The following CDH13 variants were observed in gnomAD, a reference collection of about 807,000 sequenced individuals.
CDH13 encodes cadherin 13.
In CDH13, 24 loss-of-function variants were observed where a neutral mutation model predicts 63.8. The observed-to-expected ratio is 0.38, with a 90% confidence interval of 0.27 to 0.53. CDH13 has a LOEUF of 0.53. CDH13 is among the 20% of genes least tolerant of loss of function. The probability of loss-of-function intolerance (pLI) is 0.85; values close to 1 mark genes in which losing one functional copy is unlikely to be tolerated. For synonymous variants in CDH13, 503 were observed against 355.3 expected, an observed-to-expected ratio of 1.42 and a Z score of -4.67; for missense variants, 1,049 against 903.1, an observed-to-expected ratio of 1.16 and a Z score of -2.07.
intron 1 of CDH13, among the ~76,000 whole-genome samples, chr16:82,834,605 C>A (rs971392102): frequency 6.6e-6 from 1 of 152,100 alleles, no homozygotes; most frequent in Non-Finnish European, 1.5e-5. Context: ...TACTTTGCCT[C>A]TTAGCAGCTG....
chr16:83,294,608 G>A (rs1412552716), intron 5 of CDH13, among the ~76,000 whole-genome samples: 1 of 106,900 alleles, frequency 9.4e-6, no homozygotes, highest in Non-Finnish European at 2.0e-5. Context: ...GTGTATGTGT[G>A]TGTGTGTGTG....
intron 2 of CDH13, among the ~76,000 whole-genome samples, chr16:82,874,688 G>T (rs948222181): frequency 1.3e-5 from 2 of 152,202 alleles, no homozygotes; most frequent in Non-Finnish European, 2.9e-5. Context: ...AAAGAAATAA[G>T]CAGTGCTTGA....
At chr16:83,523,030 G>A (rs909685663) in intron 7 of CDH13, among the ~76,000 whole-genome samples, 2 of 152,026 alleles carry the variant, frequency 1.3e-5, no homozygotes, top group African/African-American at 4.8e-5. Flanking sequence ...CTTCAGTTCT[G>A]CTGAAATGTC....
chr16:83,662,394 A>G (rs1333938866), intron 8 of CDH13, among the ~76,000 whole-genome samples: 1 of 152,216 alleles, frequency 6.6e-6, no homozygotes. Context: ...GAAACACAAA[A>G]TTGTCCGTAG....
intron 1 of CDH13, among the ~76,000 whole-genome samples, chr16:82,698,384 T>C (rs2150986964): frequency 6.6e-6 from 1 of 152,346 alleles, no homozygotes; most frequent in Middle Eastern, 3.4e-3. Flanking sequence ...AGGAAGAGAA[T>C]GTATCAGGTA....
intron 2 of CDH13, among the ~76,000 whole-genome samples, chr16:82,889,873 T>C (rs1210398521): frequency 1.3e-5 from 2 of 152,262 alleles, no homozygotes; most frequent in Non-Finnish European, 2.9e-5. Context: ...GGGAAGACTA[T>C]TAAAAGAGAT....
At chr16:83,045,388 T>C (rs1597213271) in intron 3 of CDH13, among the ~76,000 whole-genome samples, 1 of 152,022 alleles carries the variant, frequency 6.6e-6, no homozygotes, top group Non-Finnish European at 1.5e-5. Flanking sequence ...CCTGTAATCC[T>C]AGCACTTTGG....
intron 11 of CDH13, among the ~76,000 whole-genome samples, chr16:83,775,711 C>G (rs1915062380): frequency 6.6e-6 from 1 of 150,924 alleles, no homozygotes. Flanking sequence ...GCGAGACGCT[C>G]TGTCTCAAAA....
At chr16:83,616,227 G>T (rs1909268762) in intron 8 of CDH13, among the ~76,000 whole-genome samples, 1 of 152,194 alleles carries the variant, frequency 6.6e-6, no homozygotes, top group African/African-American at 2.4e-5. Context: ...ACTCTGTGTG[G>T]AATGTCAAAA....
chr16:82,926,088 T>C (rs1302181680), intron 2 of CDH13: 1 of 152,164 alleles, frequency 6.6e-6, no homozygotes, highest in African/African-American at 2.4e-5. Context: ...CAGCTTTATC[T>C]TGCATAAATG....
chr16:83,668,165 G>T (rs142474107), intron 8 of CDH13, among the ~76,000 whole-genome samples: 1 of 152,098 alleles, frequency 6.6e-6, no homozygotes, highest in African/African-American at 2.4e-5. Context: ...TCTTGCTTCT[G>T]TATGGCTTTG....
intron 1 of CDH13, among the ~76,000 whole-genome samples, chr16:82,821,918 C>T (rs775686204): frequency 3.9e-5 from 6 of 152,178 alleles, no homozygotes; most frequent in Admixed American, 6.5e-5. Context: ...GGGGATTGCA[C>T]CTCCAGTGAT....
At chr16:83,466,605 C>G (rs1204240556) in intron 6 of CDH13, among the ~76,000 whole-genome samples, 1 of 152,232 alleles carries the variant, frequency 6.6e-6, no homozygotes, top group Non-Finnish European at 1.5e-5. Context: ...AACTCAGGGC[C>G]TCAATGTGTA....
intron 1 of CDH13, among the ~76,000 whole-genome samples, chr16:82,640,772 AC>A (rs1909301098): frequency 6.6e-6 from 1 of 152,208 alleles, no homozygotes; most frequent in African/African-American, 2.4e-5. Flanking sequence ...ATTTGCATTA[AC>A]TTTTATCAAG....
At chr16:83,021,472 C>A (rs537337007) in intron 2 of CDH13, among the ~76,000 whole-genome samples, 1 of 152,300 alleles carries the variant, frequency 6.6e-6, no homozygotes, top group Admixed American at 6.5e-5. Context: ...AGATTCAAAG[C>A]TAACGGCTCA....
At chr16:82,960,561 G>T (rs1389628996) in intron 2 of CDH13, among the ~76,000 whole-genome samples, 1 of 152,166 alleles carries the variant, frequency 6.6e-6, no homozygotes, top group Non-Finnish European at 1.5e-5. Flanking sequence ...ACAGGCAAAA[G>T]CTATCCACTT....
intron 3 of CDH13, among the ~76,000 whole-genome samples, chr16:83,070,271 G>A (rs1384675879): frequency 6.6e-6 from 1 of 152,114 alleles, no homozygotes; most frequent in African/African-American, 2.4e-5. Flanking sequence ...TTTGATACAA[G>A]CCACTATCAA....
At chr16:83,607,366 G>T (rs1908442511) in intron 8 of CDH13, among the ~76,000 whole-genome samples, 1 of 152,046 alleles carries the variant, frequency 6.6e-6, no homozygotes, top group Non-Finnish European at 1.5e-5. Flanking sequence ...GTTGCAGTGA[G>T]CTGAGATCAC....
intron 7 of CDH13, among the ~76,000 whole-genome samples, chr16:83,573,350 T>A (rs1254770572): frequency 1.3e-5 from 2 of 152,112 alleles, no homozygotes; most frequent in Admixed American, 6.5e-5. Flanking sequence ...CATTCAGTGG[T>A]GGGTCAGGAA....
Sources: gnomAD v4.1 joint callset for allele counts (sites outside exome capture counted in the v4.1 genomes callset) on GRCh38, gnomAD v4.1.1 for gene constraint, MANE v1.5 for transcripts, NCBI Gene and HGNC (gene_info 2026-07-23, HGNC 2026-07-21) for gene names.